ZNF638: variants seen among roughly 807,000 people sequenced by gnomAD.
ZNF638 encodes CTCL tumor antigen se33-1.
A neutral mutation model predicts 195.6 loss-of-function variants in ZNF638; 46 were observed. The observed-to-expected ratio is 0.24, with a 90% CI of 0.19 to 0.30. The LOEUF (loss-of-function observed/expected upper bound fraction) is 0.30, where lower values mean the gene tolerates loss of function less well. Ranked by LOEUF, ZNF638 falls within the 10% of genes least tolerant of loss-of-function variation. ZNF638 has a pLI of 1.00. For missense variants in ZNF638, 2,440 were observed against 2,325.3 expected (o/e 1.05, Z -1.01); for synonymous variants, 845 against 772.0 (o/e 1.09, Z -1.57).
At chr2:71,428,004 C>T (rs1428803126) in intron 24 of ZNF638, among the ~76,000 whole-genome samples, 2 of 152,048 alleles carry the variant, frequency 1.3e-5, no homozygotes, top group African/African-American at 2.4e-5. Flanking sequence ...CCAGTCTGGG[C>T]AGCCTAGCAA....
chr2:71,409,437 A>G (rs534547836), intron 20 of ZNF638, among the ~76,000 whole-genome samples: 4 of 152,316 alleles, frequency 2.6e-5, no homozygotes, highest in Admixed American at 2.6e-4. Context: ...CATTCTAAAT[A>G]CTGAAAACTA....
intron 20 of ZNF638, among the ~76,000 whole-genome samples, chr2:71,411,515 T>C (rs1170101851): frequency 7.7e-6 from 1 of 130,026 alleles, no homozygotes; most frequent in Non-Finnish European, 1.6e-5. Flanking sequence ...AGGGTACATG[T>C]GCACATTGTG....
At position 71,344,535 on chromosome 2, in the gene ZNF638, C is replaced by T. The variant is rs184968198; in HGVS notation, c.-202-4218C>T. Among the ~76,000 whole-genome samples the T allele has an allele frequency of 4.5e-3, 687 of 152,236 alleles. 2 individuals are homozygous for T. Among genetic ancestry groups the T allele is most frequent in the Middle Eastern group, 6.8e-3 (2 of 294 alleles). On this transcript the variant is annotated intron_variant, in intron 1 of 27. Coordinates refer to ENST00000264447, the MANE Select transcript of ZNF638 (RefSeq NM_014497.5). ...CTGTTCTGGCTGTAATATCTTTGGT[C>T]AGTAATTATTTTGTATGAATAAAGG...
Position 71,365,654 on chromosome 2 carries a change from C to G in ZNF638, c.1943C>G (p.Thr648Ser). ...RCKSKNLEDDTLSECKQVSDK... is the reference protein window; with the variant it reads ...RCKSKNLEDDSLSECKQVSDK... ...AAATCAAAGAATCTTGAAGATGACA[C>G]TTTGTCAGAATGTAAACAGGTGTCT... The change falls in exon 6 of 28, where the codon ACT (threonine) becomes AGT (serine). Residue 648 changes from threonine to serine, a missense_variant. By Grantham distance (58) the Thr-to-Ser change is moderately conservative. Transcript: ENST00000264447. 6.2e-7 allele frequency: 1 copy of G among 1,614,088 alleles called. No individual in the cohort carries two copies. The highest frequency in any genetic ancestry group is 1.3e-5 in the African/African-American group (1 of 75,048).
intron 3 of ZNF638, among the ~76,000 whole-genome samples, chr2:71,359,199 A>G (rs1435500011): frequency 6.6e-6 from 1 of 152,110 alleles, no homozygotes; most frequent in South Asian, 2.1e-4. Flanking sequence ...AAGTCCCACA[A>G]TATGCTGTCT....
Position 71,348,762 on chromosome 2 carries a change from A to G in ZNF638, c.-193A>G. 1.3e-6 allele frequency: 2 copies of G among 1,533,278 alleles called. No individual in the cohort carries two copies. The highest frequency in any genetic ancestry group is 1.7e-6 in the Non-Finnish European group (2 of 1,144,380). 95.0% of individuals were successfully genotyped at this position (1,533,278 alleles called of 1,614,324 possible). A position where few individuals can be genotyped will look rare whatever the true frequency, so the allele number is the denominator to read the frequency against. On this transcript the variant is annotated 5_prime_UTR_variant, in exon 2 of 28. Coordinates refer to ENST00000264447, the MANE Select transcript of ZNF638 (RefSeq NM_014497.5). ...GTGTTTTAACTTTCAGCTTTGTGTT[A>G]TTCTTGGAAAATTTCGCACCACTTG...
At chr2:71,393,267 T>G in intron 10 of ZNF638, 1 of 607,234 alleles carries the variant, frequency 1.6e-6, no homozygotes, top group East Asian at 2.8e-5. Flanking sequence ...GAAAAGCACC[T>G]TGCTAAAACC....
chr2:71,407,871 G>A (rs920592741), intron 19 of ZNF638: 7 of 304,462 alleles, frequency 2.3e-5, no homozygotes, highest in Non-Finnish European at 4.2e-5. Flanking sequence ...TTTTAAAGCT[G>A]AGTAATAATT....
chr2:71,355,801 T>C, intron 3 of ZNF638, 21 bp downstream of exon 3: 1 of 1,442,120 alleles, frequency 6.9e-7, no homozygotes, highest in South Asian at 1.3e-5. Flanking sequence ...ATTTTTCCTT[T>C]ATTATAGATA....
intron 21 of ZNF638, among the ~76,000 whole-genome samples, chr2:71,421,635 C>CT (rs1251264090): frequency 2.0e-5 from 3 of 152,102 alleles, no homozygotes; most frequent in Admixed American, 6.6e-5. Context: ...TGGCCACCCT[C>CT]TAAGAAGCAG....
At chr2:71,394,440 T>G (rs1226883910) in intron 10 of ZNF638, among the ~76,000 whole-genome samples, 1 of 152,194 alleles carries the variant, frequency 6.6e-6, no homozygotes, top group Non-Finnish European at 1.5e-5. Flanking sequence ...TACCCATCCA[T>G]ATGTTTTTCT....
chr2:71,355,579 T>G, intron 2 of ZNF638, 140 bp from the exon 3 acceptor site: 1 of 600,254 alleles, frequency 1.7e-6, no homozygotes, highest in Non-Finnish European at 2.8e-6. Context: ...TTGTGAAAAT[T>G]TTACTGAGCA....
chr2:71,408,674 A>G (rs766574180), intron 20 of ZNF638: 7 of 399,252 alleles, frequency 1.8e-5, no homozygotes, highest in African/African-American at 1.3e-4. Context: ...TTCTTGGCCT[A>G]CACAGTAGTA....
chr2:71,365,716 T>C lies in ZNF638; in HGVS notation c.1995+10T>C. The C allele has an allele frequency of 1.3e-6, 2 of 1,583,426 alleles. No individual in the cohort carries two copies. Among genetic ancestry groups the C allele is most frequent in the Non-Finnish European group, 1.7e-6 (2 of 1,166,198 alleles). ...TTCTCTCCAGCGAAAGGTAATTCTT[T>C]AATTAATAATTATTTTTAGAGATAA... On this transcript the variant is annotated intron_variant, in intron 6 of 27. Transcript: ENST00000264447.
rs1306895659 is a variant in ZNF638, at chr2:71,348,784, CT to C, written c.-169del. 3 of 1,555,000 alleles carry C rather than the reference CT, an allele frequency of 1.9e-6. No individual in the cohort carries two copies. The highest frequency in any genetic ancestry group is 1.2e-5 in the South Asian group (1 of 85,504). On this transcript the variant is annotated 5_prime_UTR_variant, in exon 2 of 28. Transcript: ENST00000264447. ...GTTATTCTTGGAAAATTTCGCACCA[CT>C]TGTGAATTCCTTGAACCTGGGCATT... is the stretch of plus-strand genomic sequence containing the variant.
chr2:71,332,419 G>A (rs1558821300), intron 1 of ZNF638, among the ~76,000 whole-genome samples: 1 of 152,216 alleles, frequency 6.6e-6, no homozygotes, highest in Non-Finnish European at 1.5e-5. Flanking sequence ...GGTTGGGGAG[G>A]GGGTGTCGGG....
At position 71,423,008 on chromosome 2, in the gene ZNF638, T is replaced by C. The variant is rs762482633; in HGVS notation, c.3494T>C (p.Leu1165Ser). Reference sequence around the variant, plus strand: ...GATTCTGACTTTGCTGTTGAAACTTTGGAGCTTGAAACTCAAGGAGAGGAG... The same window carrying C: ...GATTCTGACTTTGCTGTTGAAACTTCGGAGCTTGAAACTCAAGGAGAGGAG... ...TCDSDFAVETLELETQGEEVK... is the reference protein window; with the variant it reads ...TCDSDFAVETSELETQGEEVK... Residue 1165 changes from leucine (L) to serine (S), a missense_variant, in exon 22 of 28, where the codon TTG (leucine) becomes TCG (serine). Leu to Ser is a moderately radical substitution (Grantham distance 145). Transcript: ENST00000264447. 2.5e-6 allele frequency: 4 copies of C among 1,614,154 alleles called. No individual in the cohort carries two copies. The highest frequency in any genetic ancestry group is 2.2e-5 in the South Asian group (2 of 91,080).
chr2:71,412,719 T>C (rs201498523), intron 20 of ZNF638, among the ~76,000 whole-genome samples: 5,700 of 70,908 alleles, frequency 0.08, 181 homozygotes, highest in African/African-American at 0.11. Context: ...CCCAGCACCA[T>C]TTATTAAATA....
intron 3 of ZNF638, among the ~76,000 whole-genome samples, chr2:71,359,253 A>G (rs997632958): frequency 1.3e-5 from 2 of 152,162 alleles, no homozygotes; most frequent in Non-Finnish European, 2.9e-5. Context: ...GCTCAGTCCA[A>G]ATTCAAAAGC....
Sources: gnomAD v4.1 joint callset for allele counts (sites outside exome capture counted in the v4.1 genomes callset) on GRCh38, gnomAD v4.1.1 for gene constraint, MANE v1.5 for transcripts, NCBI Gene and HGNC (gene_info 2026-07-23, HGNC 2026-07-21) for gene names.